SPP1: variants seen among roughly 807,000 people sequenced by gnomAD.
The protein encoded by SPP1 is osteopontin.
In SPP1, 18 loss-of-function variants were observed where a neutral mutation model predicts 20.8. The ratio of observed to expected loss-of-function variants is 0.87; its 90% CI spans 0.60 to 1.29. The LOEUF is 1.29. Among genes scored for constraint, SPP1 ranks in the 50% most tolerant of loss-of-function variants. SPP1 has a pLI of 0.00. For synonymous variants in SPP1, 146 were observed against 141.5 expected, an observed-to-expected ratio of 1.03 and a Z score of -0.23; for missense variants, 363 against 389.0, an observed-to-expected ratio of 0.93 and a Z score of 0.56.
intron 3 of SPP1, among the ~76,000 whole-genome samples, chr4:87,979,180 T>G (rs1332128266): frequency 9.0e-6 from 1 of 111,710 alleles, no homozygotes; most frequent in African/African-American, 3.1e-5. Flanking sequence ...TTTTTTTTTT[T>G]TTGAGATGGA....
intron 1 of SPP1, 58 bp downstream of exon 1, chr4:87,975,858 A>ATG (rs1456310290): frequency 1.3e-5 from 2 of 152,286 alleles, no homozygotes; most frequent in African/African-American, 4.8e-5. Flanking sequence ...GGGGAAGTCC[A>ATG]AATTCTAAGG....
At chr4:87,977,135 T>C (rs1188298130) in intron 3 of SPP1, 38 bp downstream of exon 3, 1 of 1,591,976 alleles carries the variant, frequency 6.3e-7, no homozygotes, top group Non-Finnish European at 8.6e-7. Flanking sequence ...TTAAATCATT[T>C]ACTCAATTAT....
intron 3 of SPP1, among the ~76,000 whole-genome samples, chr4:87,978,229 C>T (rs1231081226): frequency 6.6e-6 from 1 of 151,932 alleles, no homozygotes; most frequent in Non-Finnish European, 1.5e-5. Context: ...TTTTGCTTAC[C>T]TTTATTTTCT....
At chr4:87,977,130 T>G in intron 3 of SPP1, 33 bp downstream of exon 3, 1 of 1,599,184 alleles carries the variant, frequency 6.3e-7, no homozygotes, top group Non-Finnish European at 8.6e-7. Flanking sequence ...TATAGTTAAA[T>G]CATTTACTCA....
chr4:87,981,354 C>G, intron 5 of SPP1, 121 bp from the exon 6 acceptor site: 1 of 875,422 alleles, frequency 1.1e-6, no homozygotes, highest in Non-Finnish European at 1.7e-6. Context: ...ATGGTATGTA[C>G]TGTGAATGCA....
chr4:87,981,533 A>T lies in SPP1; in HGVS notation c.275A>T (p.Asp92Val). Residue 92 changes from aspartate to valine, a missense_variant, in exon 6 of 7, where the codon GAT becomes GTT. By Grantham distance (152) the Asp-to-Val change is radical (BLOSUM62 -3). Transcript: ENST00000395080. ...CACATGGATGATATGGATGATGAAG[A>T]TGATGATGACCATGTGGACAGCCAG... Reference protein sequence around the residue: ...HDHMDDMDDEDDDDHVDSQDS... With the variant: ...HDHMDDMDDEVDDDHVDSQDS... The T allele has an allele frequency of 2.5e-6, 4 of 1,613,212 alleles. No individual in the cohort carries two copies. The highest frequency in any genetic ancestry group is 3.4e-6 in the Non-Finnish European group (4 of 1,179,692).
Position 87,976,801 on chromosome 4 carries a change from T to G in SPP1, c.-14-81T>G, listed in dbSNP as rs1725394749. ...AGAAAATATATTTTATTTGTGATCA[T>G]TTTGTAATGTGGTAGTATAAAAAGG... On this transcript the variant is annotated intron_variant, in intron 1 of 6. Coordinates refer to ENST00000395080, the MANE Select transcript of SPP1 (RefSeq NM_001040058.2). 6.9e-6 allele frequency: 6 copies of G among 873,136 alleles called. No homozygotes were observed. The South Asian group carries it at 1.1e-4, about 16-fold the overall frequency. 54.1% of individuals were successfully genotyped at this position (873,136 alleles called of 1,614,324 possible).
chr4:87,980,275 T>G, intron 4 of SPP1, 118 bp from the exon 5 acceptor site: 2 of 1,476,366 alleles, frequency 1.4e-6, no homozygotes, highest in Non-Finnish European at 1.9e-6. Context: ...CTCTCTGTGT[T>G]AAGCCATCCA....
intron 3 of SPP1, among the ~76,000 whole-genome samples, chr4:87,979,392 C>T (rs1403555316): frequency 6.6e-6 from 1 of 151,794 alleles, no homozygotes; most frequent in East Asian, 1.9e-4. Flanking sequence ...CCAGGATGTT[C>T]TCGATCTCCT....
intron 3 of SPP1, chr4:87,977,988 C>A: frequency 2.3e-6 from 1 of 439,136 alleles, no homozygotes. Context: ...CTATTTGAGG[C>A]AAGAATTAGC....
chr4:87,979,204 A>T (rs1419019006), intron 3 of SPP1, among the ~76,000 whole-genome samples: 3 of 125,616 alleles, frequency 2.4e-5, no homozygotes, highest in African/African-American at 9.5e-5. Flanking sequence ...TTGCTCTGTC[A>T]CCCAGGCTGG....
intron 3 of SPP1, among the ~76,000 whole-genome samples, chr4:87,978,889 T>C (rs1725522121): frequency 6.6e-6 from 1 of 152,100 alleles, no homozygotes. Context: ...GACAGGGAAA[T>C]GTAATGATTG....
In SPP1 at chr4:87,981,567, T is replaced by G; in HGVS notation, c.309T>G (p.Ile103Met). Residue 103 changes from isoleucine to methionine, a missense_variant, in exon 6 of 7, where the codon ATT becomes ATG. Transcript: ENST00000395080. ...ACCATGTGGACAGCCAGGACTCCAT[T>G]GACTCGAACGACTCTGATGATGTAG... ...DDDHVDSQDS[I>M]DSNDSDDVDD... 1 of 1,614,120 alleles carries G rather than the reference T, an allele frequency of 6.2e-7. No individual in the cohort carries two copies. The highest frequency in any genetic ancestry group is 8.5e-7 in the Non-Finnish European group (1 of 1,179,988).
At position 87,983,349 on chromosome 4, in the gene SPP1, T is replaced by C. The variant is rs1240969128; in HGVS notation, c.*453T>C. 6.4e-6 allele frequency: 1 copy of C among 155,152 alleles called. No individual in the cohort carries two copies. Among genetic ancestry groups the C allele is most frequent in the Admixed American group, 6.4e-5 (1 of 15,616 alleles). 9.6% of individuals were successfully genotyped at this position (155,152 alleles called of 1,614,324 possible). Reference sequence around the variant, plus strand: ...TGTAATAAGAATTTGGTGGTGTCAATTGCTTATTTGTTTTCCCACGGTTGT... The same window carrying C: ...TGTAATAAGAATTTGGTGGTGTCAACTGCTTATTTGTTTTCCCACGGTTGT... On this transcript the variant is annotated 3_prime_UTR_variant, in exon 7 of 7. Transcript: ENST00000395080.
At chr4:87,981,085 T>C (rs1725621094) in intron 5 of SPP1, among the ~76,000 whole-genome samples, 1 of 152,208 alleles carries the variant, frequency 6.6e-6, no homozygotes, top group South Asian at 2.1e-4. Context: ...TCTTCTCTTT[T>C]GATAAATCTC....
chr4:87,977,602 A>G, intron 3 of SPP1: 1 of 1,048,162 alleles, frequency 9.5e-7, no homozygotes, highest in East Asian at 7.3e-5. Context: ...CTGATGTTAG[A>G]TCACATTTTC....
At chr4:87,981,307 A>G (rs1725628370) in intron 5 of SPP1, among the ~76,000 whole-genome samples, 168 bp from the exon 6 acceptor site, 1 of 152,236 alleles carries the variant, frequency 6.6e-6, no homozygotes, top group Non-Finnish European at 1.5e-5. Flanking sequence ...GTGTTAAAAG[A>G]GAAATTGGAA....
At chr4:87,981,982 A>G (rs1725668392) in intron 6 of SPP1, among the ~76,000 whole-genome samples, 184 bp downstream of exon 6, 2 of 152,164 alleles carry the variant, frequency 1.3e-5, no homozygotes, top group African/African-American at 4.8e-5. Context: ...GTAAGTCTAC[A>G]TAATTTCTCT....
At chr4:87,979,954 G>T (rs1219769901) in intron 3 of SPP1, 92 bp from the exon 4 acceptor site, 5 of 1,270,188 alleles carry the variant, frequency 3.9e-6, no homozygotes, top group Non-Finnish European at 5.6e-6. Context: ...GTGACTATAT[G>T]CTTCCATCAA....
Sources: allele counts gnomAD v4.1 joint callset (sites outside exome capture counted in the v4.1 genomes callset), GRCh38; gene constraint gnomAD v4.1.1; transcripts MANE v1.5; gene names NCBI Gene and HGNC (gene_info 2026-07-23, HGNC 2026-07-21).